Variants in CAPRIN1 observed in about 807,000 individuals in gnomAD.
CAPRIN1 encodes the protein caprin-1.
Under a neutral mutation model 100.9 loss-of-function variants are expected in CAPRIN1, and 29 were observed. That is an observed-to-expected ratio of 0.29 (90% confidence interval 0.21 to 0.39). The LOEUF (loss-of-function observed/expected upper bound fraction) is 0.39, where lower values mean the gene tolerates loss of function less well. Among genes scored for constraint, CAPRIN1 ranks in the 10% least tolerant of loss-of-function variants. CAPRIN1 has a pLI of 1.00. For missense variants in CAPRIN1, 795 were observed against 876.7 expected (o/e 0.91, Z 1.18); for synonymous variants, 338 against 307.5 (o/e 1.10, Z -1.04).
chr11:34,091,796 C>G, intron 14 of CAPRIN1, 110 bp from the exon 15 acceptor site: 2 of 953,290 alleles, frequency 2.1e-6, no homozygotes, highest in Admixed American at 4.8e-5. Flanking sequence ...GTGTTTGAGA[C>G]CTCTGTGATG....
chr11:34,059,290 A>G (rs1850523978), intron 2 of CAPRIN1, among the ~76,000 whole-genome samples: 2 of 139,564 alleles, frequency 1.4e-5, no homozygotes, highest in African/African-American at 5.5e-5. Flanking sequence ...TTTTTTTGAG[A>G]CGGAGTCTTG....
At chr11:34,067,695 C>T (rs73497064) in intron 2 of CAPRIN1, among the ~76,000 whole-genome samples, 12,962 of 151,844 alleles carry the variant, frequency 0.085, 573 homozygotes, top group African/African-American at 0.092. Context: ...GACAGGTTCT[C>T]ACTATGTTGT....
rs1047135751 is a variant in CAPRIN1 at position 34,065,883 on chromosome 11, A to C, written c.217-5843A>C. ...GGCAAGGACAGGGGATAGGATATTT[A>C]TAATAGTAGTGTAGAAAATGTTAAC... On this transcript the variant is annotated intron_variant, in intron 2 of 18. Coordinates refer to ENST00000341394, the MANE Select transcript of CAPRIN1 (RefSeq NM_005898.5). 2.0e-5 allele frequency among the ~76,000 whole-genome samples: 3 copies of C among 152,214 alleles called. No individual in the cohort carries two copies. In the East Asian group the frequency reaches 5.8e-4, roughly 29 times the overall value.
At chr11:34,086,825 A>T (rs1851155540) in intron 11 of CAPRIN1, among the ~76,000 whole-genome samples, 1 of 152,230 alleles carries the variant, frequency 6.6e-6, no homozygotes, top group Non-Finnish European at 1.5e-5. Flanking sequence ...TGTTTTTGTA[A>T]CTTTAACAAG....
Position 34,099,353 on chromosome 11 carries a change from C to T in CAPRIN1, c.2116C>T (p.Gln706Ter). 1 of 1,613,566 alleles carries T rather than the reference C, an allele frequency of 6.2e-7. No homozygotes were observed. Among genetic ancestry groups the T allele is most frequent in the Non-Finnish European group, 8.5e-7 (1 of 1,179,576 alleles). ...CAGAGGGATGCCGCAAATGAACACT[C>T]AGCAAGTGAATTAATCTGATTCACA... The part of the protein sequence containing the change: ...PNRGMPQMNT[Q>*]QVN The change falls in exon 19 of 19, where the codon CAG (glutamine) becomes TAG (stop). Residue 706 changes from glutamine (Q) to a stop codon, truncating the protein, a stop_gained. Coordinates refer to ENST00000341394, the MANE Select transcript of CAPRIN1 (RefSeq NM_005898.5). LOFTEE classifies it high-confidence loss of function.
At chr11:34,068,449 G>C (rs545787094) in intron 2 of CAPRIN1, among the ~76,000 whole-genome samples, 1 of 152,196 alleles carries the variant, frequency 6.6e-6, no homozygotes, top group Non-Finnish European at 1.5e-5. Flanking sequence ...ACTGCATGCA[G>C]ATTTTGTAGC....
chr11:34,062,747 A>G (rs1317877918), intron 2 of CAPRIN1, among the ~76,000 whole-genome samples: 5 of 152,174 alleles, frequency 3.3e-5, no homozygotes, highest in African/African-American at 7.2e-5. Context: ...CTGGATACAT[A>G]AAGTATAGCT....
Position 34,086,234 on chromosome 11 carries a change from G to A in CAPRIN1, c.1122+15G>A. 6.2e-7 allele frequency: 1 copy of A among 1,612,714 alleles called. No individual in the cohort carries two copies. The highest frequency in any genetic ancestry group is 1.7e-4 in the Middle Eastern group (1 of 6,052). On this transcript the variant is annotated intron_variant, in intron 10 of 18. Coordinates refer to ENST00000341394, the MANE Select transcript of CAPRIN1 (RefSeq NM_005898.5). ...ATTTCATACAGGTATGTTCATTTTA[G>A]TCAGACTCTGTAACAGAAAGTTTAA...
chr11:34,077,542 C>A (rs1238776407), intron 6 of CAPRIN1, among the ~76,000 whole-genome samples: 1 of 152,094 alleles, frequency 6.6e-6, no homozygotes, highest in African/African-American at 2.4e-5. Context: ...CGTTTCACTC[C>A]TTCAGTATAG....
intron 2 of CAPRIN1, chr11:34,053,543 G>C (rs531366764): frequency 2.0e-5 from 3 of 152,074 alleles, no homozygotes; most frequent in African/African-American, 4.8e-5. Flanking sequence ...GAAAGCAGAG[G>C]GGGAGGGCAG....
chr11:34,081,619 G>A (rs921720695), intron 7 of CAPRIN1, among the ~76,000 whole-genome samples: 1 of 151,868 alleles, frequency 6.6e-6, no homozygotes, highest in Non-Finnish European at 1.5e-5. Flanking sequence ...TTAGCCTCTC[G>A]AGTAGCTGGG....
intron 2 of CAPRIN1, 172 bp downstream of exon 2, chr11:34,052,808 C>A (rs1375896883): frequency 2.1e-6 from 3 of 1,451,432 alleles, no homozygotes; most frequent in Non-Finnish European, 2.7e-6. Context: ...AGCTTCGTGC[C>A]CAGAAAACGG....
Position 34,079,942 on chromosome 11 carries a change from G to A in CAPRIN1, c.826+177G>A, listed in dbSNP as rs554528556. 7.7e-3 allele frequency among the ~76,000 whole-genome samples: 374 copies of A among 48,366 alleles called. 2 individuals are homozygous for A. The highest frequency in any genetic ancestry group is 0.045 in the Middle Eastern group (2 of 44). 31.7% of individuals were successfully genotyped at this position (48,366 alleles called of 152,430 possible). On this transcript the variant is annotated intron_variant, in intron 7 of 18. Transcript: ENST00000341394. ...TTTTTTTTTTTTTTTTTTTTTTTTG[G>A]AGACAGAGTCTCGCTCTGTTGCCCA...
rs1228283390 is a variant in CAPRIN1, at chr11:34,068,296, G to A, written c.217-3430G>A. 2.6e-5 allele frequency among the ~76,000 whole-genome samples: 4 copies of A among 152,142 alleles called. No homozygotes were observed. In the East Asian group the frequency reaches 7.7e-4, roughly 29 times the overall value. Reference sequence around the variant, plus strand: ...CCAGCAAACAAGGCAGAGATAGATTGCTTTTATGACTCAGCCTTGGAAATC... The same window carrying A: ...CCAGCAAACAAGGCAGAGATAGATTACTTTTATGACTCAGCCTTGGAAATC... On this transcript the variant is annotated intron_variant, in intron 2 of 18. Transcript: ENST00000341394.
At chr11:34,081,216 T>TA (rs1851021965) in intron 7 of CAPRIN1, among the ~76,000 whole-genome samples, 1 of 152,094 alleles carries the variant, frequency 6.6e-6, no homozygotes, top group African/African-American at 2.4e-5. Context: ...CTTTTTTTTT[T>TA]TTTTGAGACA....
In CAPRIN1 at chr11:34,068,820, G is replaced by A. The variant is rs1363575501; in HGVS notation, c.217-2906G>A. Among the ~76,000 whole-genome samples, 5 of 151,806 alleles carry A rather than the reference G, an allele frequency of 3.3e-5. No homozygotes were observed. The East Asian group carries it at 5.8e-4, about 18-fold the overall frequency. ...TTATCTTTTTATATTTATTTTCATC[G>A]CTACACAAACATTTTTTAGGAGTTT... On this transcript the variant is annotated intron_variant, in intron 2 of 18. Transcript: ENST00000341394.
intron 2 of CAPRIN1, among the ~76,000 whole-genome samples, chr11:34,057,502 T>C (rs1346184141): frequency 6.6e-6 from 1 of 152,204 alleles, no homozygotes; most frequent in African/African-American, 2.4e-5. Flanking sequence ...ACTTACAGAT[T>C]AAGCATACAA....
At chr11:34,058,009 C>G (rs561630219) in intron 2 of CAPRIN1, among the ~76,000 whole-genome samples, 1 of 152,094 alleles carries the variant, frequency 6.6e-6, no homozygotes, top group Admixed American at 6.6e-5. Context: ...CATGAGCCAC[C>G]ATGTCCGGCC....
chr11:34,059,235 C>T (rs1366193048), intron 2 of CAPRIN1, among the ~76,000 whole-genome samples: 2 of 151,810 alleles, frequency 1.3e-5, no homozygotes, highest in Non-Finnish European at 2.9e-5. Context: ...CTTTAACTTC[C>T]CCTGTTACCT....
Sources: gnomAD v4.1 joint callset for allele counts (sites outside exome capture counted in the v4.1 genomes callset) on GRCh38, gnomAD v4.1.1 for gene constraint, MANE v1.5 for transcripts, NCBI Gene and HGNC (gene_info 2026-07-23, HGNC 2026-07-21) for gene names.